Variants in REEP6 observed in about 807,000 individuals in gnomAD.
The protein encoded by REEP6 is receptor accessory protein 6.
A neutral mutation model predicts 22.4 loss-of-function variants in REEP6; 19 were observed. That is an observed-to-expected ratio of 0.85 (90% CI 0.59 to 1.25). The LOEUF (loss-of-function observed/expected upper bound fraction) is 1.25, where lower values mean the gene tolerates loss of function less well. REEP6 is among the 50% of genes most tolerant of loss of function. The pLI, the probability that REEP6 is intolerant of heterozygous loss-of-function variation, is 0.00. For missense variants in REEP6, 273 were observed against 251.9 expected (o/e 1.08, Z -0.57); for synonymous variants, 121 against 113.6 (o/e 1.06, Z -0.41).
intron 1 of REEP6, among the ~76,000 whole-genome samples, chr19:1,493,643 G>A (rs1432638779): frequency 1.3e-5 from 2 of 149,308 alleles, no homozygotes; most frequent in African/African-American, 4.9e-5. Flanking sequence ...CACAATAGGC[G>A]CTTAATAAAT....
In REEP6 at chr19:1,497,920, G is replaced by A. The variant is rs761623281; in HGVS notation, c.*709G>A. Reference sequence around the variant, plus strand: ...TAGGAGGCTCCAATAAAGCTAACCCGGACCAGACCTGTGTGCCACGTGTGC... The same window carrying A: ...TAGGAGGCTCCAATAAAGCTAACCCAGACCAGACCTGTGTGCCACGTGTGC... On this transcript the variant is annotated 3_prime_UTR_variant, in exon 5 of 5. Coordinates refer to ENST00000233596, the MANE Select transcript of REEP6 (RefSeq NM_138393.4). The surrounding 1 kb of genome is among the most constrained non-coding windows in gnomAD (Gnocchi z 6.5). 29 of 435,126 alleles carry A rather than the reference G, an allele frequency of 6.7e-5. No individual in the cohort carries two copies. The highest frequency in any genetic ancestry group is 2.9e-4 in the East Asian group (4 of 13,918). 27.0% of individuals were successfully genotyped at this position (435,126 alleles called of 1,614,324 possible).
chr19:1,497,157 C>A lies in REEP6; in HGVS notation c.518-17C>A. The stretch of plus-strand genomic sequence containing the variant: ...GCCTGCCTCACGGCCCTCCCCCACC[C>A]GCCCCTCTCTCTGCAGTCAAGCCAA... On this transcript the variant is annotated splice_polypyrimidine_tract_variant and intron_variant, in intron 4 of 4. Transcript: ENST00000233596. This position sits in a 1 kb window ranked among gnomAD's most constrained non-coding sequence, Gnocchi z 6.5. The A allele has an allele frequency of 2.1e-6, 3 of 1,409,202 alleles. No individual in the cohort carries two copies. Among genetic ancestry groups the A allele is most frequent in the Non-Finnish European group, 2.8e-6 (3 of 1,071,142 alleles). The allele number at this position is 1,409,202 out of a possible 1,614,324, so 87.3% of individuals were successfully genotyped here. A position where few individuals can be genotyped will look rare whatever the true frequency, so the allele number is the denominator to read the frequency against.
At position 1,497,801 on chromosome 19, in the gene REEP6, C is replaced by T. The variant is rs1295918795; in HGVS notation, c.*590C>T. 20 of 468,170 alleles carry T rather than the reference C, an allele frequency of 4.3e-5. No homozygotes were observed. Among genetic ancestry groups the T allele is most frequent in the South Asian group, 6.2e-5 (4 of 64,352 alleles). The allele number at this position is 468,170 out of a possible 1,614,324, so 29.0% of individuals were successfully genotyped here. ...GCCATTCCGGGACCTCTCTGGAGTA[C>T]ACTTCGGAGTCCACCACCGAGATCA... On this transcript the variant is annotated 3_prime_UTR_variant, in exon 5 of 5. Coordinates refer to ENST00000233596, the MANE Select transcript of REEP6 (RefSeq NM_138393.4). The surrounding 1 kb of genome is among the most constrained non-coding windows in gnomAD (Gnocchi z 6.5).
Position 1,491,787 on chromosome 19 carries a change from G to C in REEP6, c.115+403G>C, listed in dbSNP as rs2084948904. 6.6e-6 allele frequency among the ~76,000 whole-genome samples: 1 copy of C among 152,184 alleles called. No homozygotes were observed. The highest frequency in any genetic ancestry group is 1.5e-5 in the Non-Finnish European group (1 of 68,028). On this transcript the variant is annotated intron_variant, in intron 1 of 4. Transcript: ENST00000233596. The surrounding 1 kb of genome is among the most constrained non-coding windows in gnomAD (Gnocchi z 5.4). ...CCCGTTTTTCTGAGGGGAGGCTCCT[G>C]GCGGGAAGGGGAACGGACCGTCCTG...
intron 1 of REEP6, among the ~76,000 whole-genome samples, chr19:1,493,510 G>A (rs925007266): frequency 6.6e-6 from 1 of 152,060 alleles, no homozygotes; most frequent in Admixed American, 6.6e-5. Context: ...CAGCCCCAGG[G>A]GAGGAGGAAG....
At position 1,495,413 on chromosome 19, in the gene REEP6, C is replaced by CG. The variant is rs2084997728; in HGVS notation, c.209+32dup. On this transcript the variant is annotated intron_variant, in intron 2 of 4. Coordinates refer to ENST00000233596, the MANE Select transcript of REEP6 (RefSeq NM_138393.4). ...GTGAGTGCACGGCTGGCTGCCCACG[C>CG]GGGGGGTTCTGGGGGCTCCCTGGCA... 9 of 1,613,762 alleles carry CG rather than the reference C, an allele frequency of 5.6e-6. No individual in the cohort carries two copies. The African/African-American group carries it at 6.7e-5, about 12-fold the overall frequency.
Position 1,497,144 on chromosome 19 carries a change from G to GCCCCCCCCC in REEP6, c.518-27_518-26insCCCCCCCCC. 3.0e-6 allele frequency: 4 copies of GCCCCCCCCC among 1,328,126 alleles called. No individual in the cohort carries two copies. The highest frequency in any genetic ancestry group is 2.0e-6 in the Non-Finnish European group (2 of 992,336). The allele number at this position is 1,328,126 out of a possible 1,614,324, so 82.3% of individuals were successfully genotyped here. On this transcript the variant is annotated intron_variant, in intron 4 of 4. Coordinates refer to ENST00000233596, the MANE Select transcript of REEP6 (RefSeq NM_138393.4). This position sits in a 1 kb window ranked among gnomAD's most constrained non-coding sequence, Gnocchi z 6.5. ...CCGGGGAGCCCAGGCCTGCCTCACG[G>GCCCCCCCCC]CCCTCCCCCACCCGCCCCTCTCTCT...
intron 4 of REEP6, among the ~76,000 whole-genome samples, chr19:1,496,839 TGA>T (rs1283033385): frequency 6.6e-6 from 1 of 152,110 alleles, no homozygotes; most frequent in African/African-American, 2.4e-5. Context: ...GTTTGGTGTG[TGA>T]GTGAGCAAGG....
In REEP6 at chr19:1,495,276, A is replaced by C. The variant is rs941276313; in HGVS notation, c.116-18A>C. 1.2e-6 allele frequency: 2 copies of C among 1,609,420 alleles called. No individual in the cohort carries two copies. The highest frequency in any genetic ancestry group is 2.2e-5 in the East Asian group (1 of 44,866). ...AGCGGGTCCCCAGCCCTGGCACACC[A>C]CCGCCTCTCTCCGGCAGGAGCCGTC... is the stretch of plus-strand genomic sequence containing the variant. On this transcript the variant is annotated intron_variant, in intron 1 of 4. Coordinates refer to ENST00000233596, the MANE Select transcript of REEP6 (RefSeq NM_138393.4).
At position 1,495,368 on chromosome 19, in the gene REEP6, G is replaced by A; in HGVS notation, c.190G>A (p.Val64Met). Residue 64 changes from valine (V) to methionine (M), a missense_variant, in exon 2 of 5, where the codon GTG (valine) becomes ATG (methionine). Physicochemically the swap from Val to Met is conservative, Grantham distance 21. Coordinates refer to ENST00000233596, the MANE Select transcript of REEP6 (RefSeq NM_138393.4). ...ASLLCNLIGF[V>M]YPAYASIKAI... Reference sequence around the variant, plus strand: ...TCTGCTGTGCAATCTCATCGGATTTGTGTACCCCGCATATGCCTCGTGAGT... The same window carrying A: ...TCTGCTGTGCAATCTCATCGGATTTATGTACCCCGCATATGCCTCGTGAGT... 1 of 1,613,804 alleles carries A rather than the reference G, an allele frequency of 6.2e-7. No homozygotes were observed. Among genetic ancestry groups the A allele is most frequent in the Non-Finnish European group, 8.5e-7 (1 of 1,180,022 alleles).
In REEP6 at chr19:1,497,144, G is replaced by GGCCCACCCCCC; in HGVS notation, c.518-30_518-29insGCCCACCCCCC. The GGCCCACCCCCC allele has an allele frequency of 7.5e-7, 1 of 1,328,120 alleles. No homozygotes were observed. Among genetic ancestry groups the GGCCCACCCCCC allele is most frequent in the Non-Finnish European group, 1.0e-6 (1 of 992,330 alleles). The allele number at this position is 1,328,120 out of a possible 1,614,324, so 82.3% of individuals were successfully genotyped here. A position where few individuals can be genotyped will look rare whatever the true frequency, so the allele number is the denominator to read the frequency against. On this transcript the variant is annotated intron_variant, in intron 4 of 4. Coordinates refer to ENST00000233596, the MANE Select transcript of REEP6 (RefSeq NM_138393.4). This position sits in a 1 kb window ranked among gnomAD's most constrained non-coding sequence, Gnocchi z 6.5. ...CCGGGGAGCCCAGGCCTGCCTCACG[G>GGCCCACCCCCC]CCCTCCCCCACCCGCCCCTCTCTCT...
chr19:1,495,754 G>A, intron 3 of REEP6, 147 bp downstream of exon 3: 2 of 1,147,672 alleles, frequency 1.7e-6, no homozygotes, highest in Non-Finnish European at 1.2e-6. Context: ...AACGAGCCCT[G>A]TCCGGGGGCT....
rs754943900 is a variant in REEP6, at chr19:1,496,428, C to T, written c.492C>T (p.Asp164=). The T allele has an allele frequency of 1.6e-5, 25 of 1,612,612 alleles. No homozygotes were observed. The highest frequency in any genetic ancestry group is 2.0e-5 in the Non-Finnish European group (24 of 1,179,658). Residue 164 remains aspartate, a synonymous_variant, in exon 4 of 5, where the codon GAC becomes GAT. Transcript: ENST00000233596. The part of the protein sequence containing the change: ...IMNDLSGRAL[D]AAAGITRNVK... The stretch of plus-strand genomic sequence containing the variant: ...ACGACCTCAGCGGGCGAGCCCTGGA[C>T]GCGGCGGCCGGAATAACCAGGAACG...
At position 1,497,262 on chromosome 19, in the gene REEP6, G is replaced by A. The variant is rs368222613; in HGVS notation, c.*51G>A. 30 of 1,490,890 alleles carry A rather than the reference G, an allele frequency of 2.0e-5. No homozygotes were observed. The highest frequency in any genetic ancestry group is 2.8e-5 in the African/African-American group (2 of 71,988). 92.4% of individuals were successfully genotyped at this position (1,490,890 alleles called of 1,614,324 possible). A position where few individuals can be genotyped will look rare whatever the true frequency, so the allele number is the denominator to read the frequency against. The stretch of plus-strand genomic sequence containing the variant: ...CCTCCTGGCTGGTGAGGAGGGGGCC[G>A]CGCCAGGCTCCCAGGCCTCCACAGA... On this transcript the variant is annotated 3_prime_UTR_variant, in exon 5 of 5. Transcript: ENST00000233596. The surrounding 1 kb of genome is among the most constrained non-coding windows in gnomAD (Gnocchi z 6.5).
In REEP6 at chr19:1,491,364, A is replaced by C. The variant is rs901177993; in HGVS notation, c.95A>C (p.Glu32Ala). The C allele has an allele frequency of 3.4e-6, 5 of 1,470,496 alleles. No homozygotes were observed. The highest frequency in any genetic ancestry group is 4.5e-6 in the Non-Finnish European group (5 of 1,111,538). The allele number at this position is 1,470,496 out of a possible 1,614,324, so 91.1% of individuals were successfully genotyped here. A position where few individuals can be genotyped will look rare whatever the true frequency, so the allele number is the denominator to read the frequency against. Residue 32 changes from glutamate (E) to alanine (A), a missense_variant, in exon 1 of 5, where the codon GAG becomes GCG. Transcript: ENST00000233596. This position sits in a 1 kb window ranked among gnomAD's most constrained non-coding sequence, Gnocchi z 5.4. ...LGALEAKTGVEKRYLAAGAVT... is the reference protein window; with the variant it reads ...LGALEAKTGVAKRYLAAGAVT... ...GCGCTGGAGGCCAAGACCGGGGTGGAGAAGCGGTATCTGGCTGCAGGTGAG... is the reference window on the plus strand; with the variant it reads ...GCGCTGGAGGCCAAGACCGGGGTGGCGAAGCGGTATCTGGCTGCAGGTGAG...
At chr19:1,494,066 G>A (rs896993058) in intron 1 of REEP6, among the ~76,000 whole-genome samples, 1 of 152,152 alleles carries the variant, frequency 6.6e-6, no homozygotes, top group African/African-American at 2.4e-5. Context: ...GACAGAGCAA[G>A]ACTCCATCTC....
chr19:1,496,823 GTGTA>G (rs1448298867), intron 4 of REEP6, among the ~76,000 whole-genome samples: 1 of 151,926 alleles, frequency 6.6e-6, no homozygotes, highest in Non-Finnish European at 1.5e-5. Context: ...ATGGGCTCAA[GTGTA>G]TGTTTGGTGT....
At chr19:1,494,785 C>T (rs1022930469) in intron 1 of REEP6, among the ~76,000 whole-genome samples, 4 of 152,074 alleles carry the variant, frequency 2.6e-5, no homozygotes, top group Admixed American at 6.5e-5. Context: ...CCTGGGTTTA[C>T]GCCATTCTCC....
In REEP6 at chr19:1,496,480, C is replaced by T. The variant is rs756173094; in HGVS notation, c.517+27C>T. The T allele has an allele frequency of 1.1e-5, 18 of 1,604,788 alleles. No homozygotes were observed. The South Asian group carries it at 1.9e-4, about 17-fold the overall frequency. On this transcript the variant is annotated intron_variant, in intron 4 of 4. Coordinates refer to ENST00000233596, the MANE Select transcript of REEP6 (RefSeq NM_138393.4). ...TGGGTGCTCGCAGGCGCCTGGCTGC[C>T]TCAGGCCATCTCCCGGGTCTGGACC... is the stretch of plus-strand genomic sequence containing the variant.
Sources: allele counts gnomAD v4.1 joint callset (sites outside exome capture counted in the v4.1 genomes callset), GRCh38; gene constraint gnomAD v4.1.1; non-coding constraint Gnocchi (gnomAD v3.1); transcripts MANE v1.5; gene names NCBI Gene and HGNC (gene_info 2026-07-23, HGNC 2026-07-21).